The following SMG6 variants were observed in gnomAD, a reference collection of about 807,000 sequenced individuals.
The protein encoded by SMG6 is telomerase-binding protein EST1A.
A neutral mutation model predicts 142.2 loss-of-function variants in SMG6; 66 were observed. The observed-to-expected ratio is 0.46, with a 90% CI of 0.38 to 0.57. The LOEUF (loss-of-function observed/expected upper bound fraction) is 0.57. Ranked by LOEUF, SMG6 falls within the 20% of genes least tolerant of loss-of-function variation. The probability of loss-of-function intolerance (pLI) is 0.00; values close to 1 mark genes in which losing one functional copy is unlikely to be tolerated. For missense variants in SMG6, 1,793 were observed against 1,832.0 expected (o/e 0.98, Z 0.39); for synonymous variants, 779 against 702.4 (o/e 1.11, Z -1.72).
chr17:2,262,591 T>G lies in SMG6; in HGVS notation c.2662-17872A>C, dbSNP rs981012925. ...AGCTGACCACATCTACCTAAAATAC[T>G]TCTTTGACTTGCAAAATTAAGGACA... On this transcript the variant is annotated intron_variant, in intron 8 of 18. Transcript: ENST00000263073. Among the ~76,000 whole-genome samples the G allele has an allele frequency of 5.8e-4, 89 of 152,206 alleles. 1 individual carries two copies. Among genetic ancestry groups the G allele is most frequent in the Non-Finnish European group, 8.1e-4 (55 of 68,034 alleles).
Position 2,255,553 on chromosome 17 carries a change from C to T in SMG6, c.2662-10834G>A, listed in dbSNP as rs997205913. 6.6e-5 allele frequency among the ~76,000 whole-genome samples: 10 copies of T among 151,766 alleles called. 1 individual carries two copies. Among genetic ancestry groups the T allele is most frequent in the South Asian group, 6.2e-4 (3 of 4,812 alleles). On this transcript the variant is annotated intron_variant, in intron 8 of 18. Transcript: ENST00000263073. ...TAGGGTTTTGGCCAGCTGCCCCGTC[C>T]GGGAGGGAGGTGGCGGGCGCCTCCG...
At chr17:2,215,844 G>A (rs1308359382) in intron 10 of SMG6, 1 of 151,930 alleles carries the variant, frequency 6.6e-6, no homozygotes, top group Non-Finnish European at 1.5e-5. Flanking sequence ...GCATGAGGGA[G>A]GGGAGTGAGG....
At chr17:2,160,565 C>G (rs2071145352) in intron 13 of SMG6, among the ~76,000 whole-genome samples, 1 of 152,164 alleles carries the variant, frequency 6.6e-6, no homozygotes, top group African/African-American at 2.4e-5. Flanking sequence ...TACAGTGGCT[C>G]ATGCCTGTAA....
intron 10 of SMG6, among the ~76,000 whole-genome samples, chr17:2,198,469 A>C (rs1350568564): frequency 1.3e-5 from 2 of 152,114 alleles, no homozygotes; most frequent in South Asian, 2.1e-4. Context: ...ACAGAACCCC[A>C]CACACACACG....
intron 8 of SMG6, among the ~76,000 whole-genome samples, chr17:2,265,222 A>G (rs2074394685): frequency 6.6e-6 from 1 of 152,224 alleles, no homozygotes; most frequent in Non-Finnish European, 1.5e-5. Context: ...TCAGACCTGC[A>G]TAATGAAGAA....
At chr17:2,158,707 C>A (rs1221761982) in intron 13 of SMG6, among the ~76,000 whole-genome samples, 2 of 151,964 alleles carry the variant, frequency 1.3e-5, no homozygotes, top group Non-Finnish European at 2.9e-5. Context: ...CGCTGGAGAT[C>A]AGGAGTTGAG....
At chr17:2,075,482 G>A (rs1157017838) in intron 15 of SMG6, among the ~76,000 whole-genome samples, 5 of 152,178 alleles carry the variant, frequency 3.3e-5, no homozygotes, top group African/African-American at 1.2e-4. Flanking sequence ...ACCTGACCCC[G>A]CCCGACAGCA....
chr17:2,236,257 A>C (rs1001260287), intron 10 of SMG6, among the ~76,000 whole-genome samples: 2 of 151,980 alleles, frequency 1.3e-5, no homozygotes, highest in African/African-American at 4.8e-5. Flanking sequence ...TGCATTTGCA[A>C]ATTAAGCTCT....
intron 8 of SMG6, among the ~76,000 whole-genome samples, chr17:2,247,170 T>C (rs559007249): frequency 1.3e-5 from 2 of 152,306 alleles, no homozygotes; most frequent in East Asian, 1.9e-4. Flanking sequence ...ATCTAAATGC[T>C]CGCTTGACCT....
chr17:2,287,215 G>T (rs1057409716), intron 6 of SMG6, among the ~76,000 whole-genome samples: 1 of 152,046 alleles, frequency 6.6e-6, no homozygotes, highest in Admixed American at 6.6e-5. Context: ...CACTGGGCCC[G>T]GCTAAAATAA....
At chr17:2,137,617 G>GA (rs577333798) in intron 13 of SMG6, among the ~76,000 whole-genome samples, 168 of 152,160 alleles carry the variant, frequency 1.1e-3, no homozygotes, top group Admixed American at 3.3e-3. Context: ...GAGTGTGGCT[G>GA]ACCCTGATTA....
At chr17:2,219,513 G>A (rs1432910689) in intron 10 of SMG6, among the ~76,000 whole-genome samples, 1 of 151,714 alleles carries the variant, frequency 6.6e-6, no homozygotes, top group Non-Finnish European at 1.5e-5. Flanking sequence ...TAGGTCGGGT[G>A]CAGTGGCTCA....
intron 13 of SMG6, among the ~76,000 whole-genome samples, chr17:2,091,723 T>A (rs1046327567): frequency 1.3e-5 from 2 of 150,784 alleles, no homozygotes; most frequent in Non-Finnish European, 2.9e-5. Flanking sequence ...CAGGCTGGAG[T>A]GCAGTGGTGC....
At chr17:2,281,204 C>T (rs2074778140) in intron 8 of SMG6, among the ~76,000 whole-genome samples, 1 of 152,126 alleles carries the variant, frequency 6.6e-6, no homozygotes, top group Non-Finnish European at 1.5e-5. Context: ...TAGCTCATGA[C>T]ATCCTTGAAC....
intron 13 of SMG6, among the ~76,000 whole-genome samples, chr17:2,163,014 T>C (rs2071229103): frequency 6.6e-6 from 1 of 152,060 alleles, no homozygotes; most frequent in African/African-American, 2.4e-5. Context: ...TAATTTTTTA[T>C]AGAGACAAGG....
rs529981074 is a variant in SMG6, at chr17:2,299,653, C to A, written c.1100G>T (p.Arg367Met). The change falls in exon 2 of 19, where the codon AGG (arginine) becomes ATG (methionine). Residue 367 changes from arginine (R) to methionine (M), a missense_variant. By Grantham distance (91) the Arg-to-Met change is moderately conservative. Transcript: ENST00000263073. This position sits in a 1 kb window ranked among gnomAD's most constrained non-coding sequence, Gnocchi z 4.3. ...EAMNKESPMV[R>M]SARDDMDRGK... ...TCTATCCATATCATCCCTGGCTGAC[C>A]TCACCATGGGAGACTCTTTGTTCAT... The A allele has an allele frequency of 6.2e-7, 1 of 1,614,192 alleles. No homozygotes were observed. Among genetic ancestry groups the A allele is most frequent in the African/African-American group, 1.3e-5 (1 of 75,048 alleles).
intron 15 of SMG6, among the ~76,000 whole-genome samples, chr17:2,074,189 G>A (rs962799366): frequency 6.6e-6 from 1 of 151,542 alleles, no homozygotes; most frequent in Admixed American, 6.6e-5. Context: ...TGATCCTCCC[G>A]CCTCAGCCTC....
In SMG6 at chr17:2,297,854, A is replaced by G. The variant is rs749006166; in HGVS notation, c.2040+9T>C. The G allele has an allele frequency of 2.0e-5, 32 of 1,605,782 alleles. No individual in the cohort carries two copies. The East Asian group carries it at 7.1e-4, about 36-fold the overall frequency. ...CCTTTATCCTGAGGACAAAAAGATGACAGTTTACCTCATCCAAGAGCTCCA... is the reference window on the plus strand; with the variant it reads ...CCTTTATCCTGAGGACAAAAAGATGGCAGTTTACCTCATCCAAGAGCTCCA... On this transcript the variant is annotated intron_variant, in intron 3 of 18. Transcript: ENST00000263073.
intron 12 of SMG6, among the ~76,000 whole-genome samples, chr17:2,177,809 A>G (rs1252629718): frequency 2.0e-5 from 3 of 152,228 alleles, no homozygotes; most frequent in Non-Finnish European, 4.4e-5. Flanking sequence ...AGAAGCTGAA[A>G]AAGAGGACAC....
Sources: gnomAD v4.1 joint callset for allele counts (sites outside exome capture counted in the v4.1 genomes callset) on GRCh38, gnomAD v4.1.1 for gene constraint, Gnocchi (gnomAD v3.1) non-coding constraint, MANE v1.5 for transcripts, NCBI Gene and HGNC (gene_info 2026-07-23, HGNC 2026-07-21) for gene names.